NRG3: variants seen among roughly 807,000 people sequenced by gnomAD.
NRG3 encodes the protein pro-neuregulin-3, membrane-bound isoform.
Under a neutral mutation model 66.9 loss-of-function variants are expected in NRG3, and 31 were observed. The ratio of observed to expected loss-of-function variants is 0.46; its 90% CI spans 0.35 to 0.63. The LOEUF (loss-of-function observed/expected upper bound fraction) is 0.63, where lower values mean the gene tolerates loss of function less well. Among genes scored for constraint, NRG3 ranks in the 20% least tolerant of loss-of-function variants. NRG3 has a pLI of 0.00. For missense variants in NRG3, 910 were observed against 878.9 expected (o/e 1.04, Z -0.45); for synonymous variants, 393 against 359.4 (o/e 1.09, Z -1.06).
chr10:82,037,568 A>AT (rs2062842969), intron 1 of NRG3, among the ~76,000 whole-genome samples: 1 of 151,984 alleles, frequency 6.6e-6, no homozygotes, highest in African/African-American at 2.4e-5. Context: ...TGAAAAATCG[A>AT]TTTTTTTCTA....
intron 1 of NRG3, among the ~76,000 whole-genome samples, chr10:82,268,057 C>G (rs1040737189): frequency 6.6e-6 from 1 of 152,136 alleles, no homozygotes; most frequent in African/African-American, 2.4e-5. Context: ...TTTTTAAGCT[C>G]TTCCTCTTAG....
intron 1 of NRG3, among the ~76,000 whole-genome samples, chr10:82,245,584 T>C (rs1269462889): frequency 6.6e-6 from 1 of 152,212 alleles, no homozygotes; most frequent in African/African-American, 2.4e-5. Flanking sequence ...TTATTCTGCC[T>C]CTCTGAGATT....
intron 1 of NRG3, among the ~76,000 whole-genome samples, chr10:82,353,379 A>C (rs2083556154): frequency 6.6e-6 from 1 of 152,168 alleles, no homozygotes; most frequent in African/African-American, 2.4e-5. Context: ...TTAATAAATT[A>C]ACTTTCATTG....
chr10:82,077,901 C>T (rs948641334), intron 1 of NRG3, among the ~76,000 whole-genome samples: 1 of 152,124 alleles, frequency 6.6e-6, no homozygotes, highest in African/African-American at 2.4e-5. Context: ...CCAGGCATAG[C>T]AGGTATACAG....
At chr10:82,074,031 A>C (rs557335774) in intron 1 of NRG3, among the ~76,000 whole-genome samples, 2 of 152,254 alleles carry the variant, frequency 1.3e-5, no homozygotes, top group South Asian at 4.1e-4. Context: ...TAAAATATGA[A>C]AAGAGAGATA....
At chr10:82,662,794 T>G (rs2052468074) in intron 2 of NRG3, among the ~76,000 whole-genome samples, 1 of 152,094 alleles carries the variant, frequency 6.6e-6, no homozygotes, top group Admixed American at 6.5e-5. Context: ...GAACCTGAGG[T>G]AAGAGTCAAC....
intron 2 of NRG3, among the ~76,000 whole-genome samples, chr10:82,702,598 C>T (rs1341510570): frequency 2.0e-5 from 3 of 152,122 alleles, no homozygotes; most frequent in African/African-American, 4.8e-5. Flanking sequence ...GAGGCAGATA[C>T]AGTGCGACTG....
chr10:82,889,476 G>A (rs1169219459), intron 4 of NRG3, among the ~76,000 whole-genome samples: 2 of 152,186 alleles, frequency 1.3e-5, no homozygotes, highest in African/African-American at 4.8e-5. Flanking sequence ...TGCATTTTAT[G>A]TATTCAGGTG....
Position 82,028,064 on chromosome 10 carries a change from G to A in NRG3, c.823+151901G>A, listed in dbSNP as rs1390627503. Among the ~76,000 whole-genome samples the A allele has an allele frequency of 5.3e-5, 8 of 152,114 alleles. 1 individual carries two copies. The highest frequency in any genetic ancestry group is 1.2e-4 in the Non-Finnish European group (8 of 68,010). ...TCCATTAGAGTGGGGATTCTCATATGAGTAGTAGTAAGTAGAATAGTAGGA... is the reference window on the plus strand; with the variant it reads ...TCCATTAGAGTGGGGATTCTCATATAAGTAGTAGTAAGTAGAATAGTAGGA... On this transcript the variant is annotated intron_variant, in intron 1 of 8. Coordinates refer to ENST00000372141, the MANE Select transcript of NRG3 (RefSeq NM_001010848.4).
intron 3 of NRG3, among the ~76,000 whole-genome samples, chr10:82,790,594 G>T (rs1591534663): frequency 6.6e-6 from 1 of 151,908 alleles, no homozygotes; most frequent in African/African-American, 2.4e-5. Context: ...TGAGCCTCTT[G>T]GATGTATGAA....
At chr10:82,348,563 G>A (rs1276890227) in intron 1 of NRG3, among the ~76,000 whole-genome samples, 25 of 146,222 alleles carry the variant, frequency 1.7e-4, no homozygotes, top group African/African-American at 4.4e-4. Context: ...TGCTCTTCTC[G>A]AGGAGTATCT....
intron 3 of NRG3, among the ~76,000 whole-genome samples, chr10:82,783,172 A>G (rs1423199492): frequency 1.3e-5 from 2 of 152,002 alleles, no homozygotes; most frequent in South Asian, 4.1e-4. Context: ...CATGCTAAAA[A>G]CTCTCAATAA....
chr10:82,452,551 C>T (rs1396841919), intron 2 of NRG3, among the ~76,000 whole-genome samples: 4 of 152,112 alleles, frequency 2.6e-5, no homozygotes, highest in Non-Finnish European at 5.9e-5. Flanking sequence ...CTTTCTTCAT[C>T]TCAGATAGAG....
At chr10:81,918,401 C>T (rs1308932428) in intron 1 of NRG3, among the ~76,000 whole-genome samples, 1 of 152,188 alleles carries the variant, frequency 6.6e-6, no homozygotes, top group Non-Finnish European at 1.5e-5. Context: ...GCAGAGTAAA[C>T]ACAAGTATAA....
At chr10:82,397,436 G>T (rs935548851) in intron 2 of NRG3, among the ~76,000 whole-genome samples, 1 of 152,202 alleles carries the variant, frequency 6.6e-6, no homozygotes, top group African/African-American at 2.4e-5. Flanking sequence ...TTCATAGTGA[G>T]AACATGGTTT....
chr10:82,713,520 A>G (rs2056799631), intron 2 of NRG3, among the ~76,000 whole-genome samples: 1 of 152,178 alleles, frequency 6.6e-6, no homozygotes, highest in South Asian at 2.1e-4. Context: ...AAAAAGATTG[A>G]ACCCCTTCAA....
At chr10:82,165,572 CA>C (rs1482750600) in intron 1 of NRG3, among the ~76,000 whole-genome samples, 8 of 151,894 alleles carry the variant, frequency 5.3e-5, no homozygotes, top group Non-Finnish European at 5.9e-5. Context: ...AATAGGTGAT[CA>C]TTTTTTTCCT....
At chr10:82,733,542 A>G (rs1246965517) in intron 2 of NRG3, among the ~76,000 whole-genome samples, 1 of 152,232 alleles carries the variant, frequency 6.6e-6, no homozygotes, top group Non-Finnish European at 1.5e-5. Flanking sequence ...TGACTGGGCT[A>G]TCTATGTAGA....
chr10:82,233,343 C>T (rs1467346598), intron 1 of NRG3, among the ~76,000 whole-genome samples: 2 of 151,960 alleles, frequency 1.3e-5, no homozygotes, highest in Non-Finnish European at 2.9e-5. Context: ...CCAGCCTGGG[C>T]GACAGAGCGA....
Sources: allele counts gnomAD v4.1 joint callset (sites outside exome capture counted in the v4.1 genomes callset), GRCh38; gene constraint gnomAD v4.1.1; transcripts MANE v1.5; gene names NCBI Gene and HGNC (gene_info 2026-07-23, HGNC 2026-07-21).